Variants in POLD1 observed in about 807,000 individuals in gnomAD.
The protein encoded by POLD1 is DNA polymerase delta catalytic subunit.
In POLD1, 79 loss-of-function variants were observed where a neutral mutation model predicts 129.7. That is an observed-to-expected ratio of 0.61 (90% CI 0.51 to 0.73). POLD1 has a LOEUF of 0.73. Ranked by LOEUF, POLD1 falls within the 30% of genes least tolerant of loss-of-function variation. The pLI is 0.00. For missense variants in POLD1, 1,338 were observed against 1,595.8 expected (o/e 0.84, Z 2.75); for synonymous variants, 714 against 683.3 (o/e 1.04, Z -0.70).
chr19:50,410,052 T>C (rs1269503139), intron 17 of POLD1, among the ~76,000 whole-genome samples: 1 of 152,018 alleles, frequency 6.6e-6, no homozygotes, highest in Non-Finnish European at 1.5e-5. Context: ...GTGATGGGGC[T>C]GGGCGGGACT....
chr19:50,392,052 G>A (rs1446905171), intron 1 of POLD1, among the ~76,000 whole-genome samples: 1 of 151,738 alleles, frequency 6.6e-6, no homozygotes, highest in Non-Finnish European at 1.5e-5. Flanking sequence ...TTCTAACCTA[G>A]GATAACACAC....
intron 19 of POLD1, 57 bp downstream of exon 19, chr19:50,413,936 T>C: frequency 1.3e-6 from 2 of 1,498,354 alleles, no homozygotes; most frequent in Non-Finnish European, 9.0e-7. Context: ...GTACTCAGGG[T>C]GTCCCGTTCT....
At chr19:50,392,524 C>T (rs1333000790) in intron 1 of POLD1, among the ~76,000 whole-genome samples, 1 of 152,196 alleles carries the variant, frequency 6.6e-6, no homozygotes, top group East Asian at 1.9e-4. Context: ...GTCACCCAGG[C>T]TGGAGTGCAG....
intron 1 of POLD1, among the ~76,000 whole-genome samples, chr19:50,385,275 CAG>C (rs746341122): frequency 5.3e-5 from 8 of 152,094 alleles, no homozygotes; most frequent in Non-Finnish European, 8.8e-5. Context: ...CGGGCGGAGA[CAG>C]GGGGACTGGC....
intron 10 of POLD1, among the ~76,000 whole-genome samples, chr19:50,405,461 G>C (rs1208839495): frequency 6.6e-6 from 1 of 152,150 alleles, no homozygotes; most frequent in Non-Finnish European, 1.5e-5. Context: ...GGGTGTGGTG[G>C]CTCACGCCTC....
rs545288402 is a variant in POLD1, at chr19:50,405,467, G to A, written c.1243-715G>A. 6.6e-4 allele frequency among the ~76,000 whole-genome samples: 101 copies of A among 152,240 alleles called. 1 individual carries two copies. Among genetic ancestry groups the A allele is most frequent in the Admixed American group, 6.1e-3 (94 of 15,298 alleles). On this transcript the variant is annotated intron_variant, in intron 10 of 26. Transcript: ENST00000440232. ...AAACAGGCTGGGTGTGGTGGCTCACGCCTCTAATCCCAGCACTTTGGGAGG... is the reference window on the plus strand; with the variant it reads ...AAACAGGCTGGGTGTGGTGGCTCACACCTCTAATCCCAGCACTTTGGGAGG...
Position 50,415,759 on chromosome 19 carries a change from TG to T in POLD1, c.2756del (p.Gly919AlafsTer7). On this transcript the variant is annotated frameshift_variant, in exon 22 of 27. Transcript: ENST00000440232. LOFTEE classifies it high-confidence loss of function. ...RKRDPGSAPS[L>X]GDRVPYVIIS... ...CGGGACCCCGGGAGTGCGCCCAGCC[TG>T]GGCGACCGCGTCCCCTACGTGATCA... 6.8e-7 allele frequency: 1 copy of T among 1,466,154 alleles called. No homozygotes were observed. The allele number at this position is 1,466,154 out of a possible 1,614,324, so 90.8% of individuals were successfully genotyped here.
rs764924384 is a variant in POLD1 at position 50,406,968 on chromosome 19, C to T, written c.1495-15C>T. 6.3e-6 allele frequency: 10 copies of T among 1,576,690 alleles called. No individual in the cohort carries two copies. The highest frequency in any genetic ancestry group is 3.5e-5 in the South Asian group (3 of 86,278). On this transcript the variant is annotated splice_polypyrimidine_tract_variant and intron_variant, in intron 12 of 26. Coordinates refer to ENST00000440232, the MANE Select transcript of POLD1 (RefSeq NM_002691.4). The surrounding 1 kb of genome is among the most constrained non-coding windows in gnomAD (Gnocchi z 5.5). Reference sequence around the variant, plus strand: ...CCAACCCCTGGTCCCTGACCCCATCCGTGCCCATCCCCAGAATGGGAACGA... The same window carrying T: ...CCAACCCCTGGTCCCTGACCCCATCTGTGCCCATCCCCAGAATGGGAACGA...
rs1220975957 is a variant in POLD1 at position 50,403,093 on chromosome 19, C to T, written c.1011C>T (p.Ile337=). The T allele has an allele frequency of 1.3e-6, 2 of 1,564,946 alleles. No individual in the cohort carries two copies. The highest frequency in any genetic ancestry group is 1.7e-6 in the Non-Finnish European group (2 of 1,154,262). Residue 337 remains isoleucine (I), a synonymous_variant, in exon 9 of 27, where the codon ATC becomes ATT. Coordinates refer to ENST00000440232, the MANE Select transcript of POLD1 (RefSeq NM_002691.4). The part of the protein sequence containing the change: ...PEPERDPVIQ[I]CSLGLRWGEP... ...CTGAGCGGGACCCTGTCATCCAGAT[C>T]TGCTCGCTGGGCCTGCGCTGGGGGG...
intron 20 of POLD1, 67 bp downstream of exon 20, chr19:50,415,057 G>A: frequency 1.5e-6 from 2 of 1,378,786 alleles, no homozygotes; most frequent in Non-Finnish European, 1.9e-6. Context: ...TCAGACCCAG[G>A]AGTCTAGGCC....
At chr19:50,399,173 A>G in intron 2 of POLD1, 120 bp downstream of exon 2, 1 of 1,442,884 alleles carries the variant, frequency 6.9e-7, no homozygotes, top group Non-Finnish European at 9.5e-7. Flanking sequence ...TGAATCCTAC[A>G]AAGGACTGCC....
At chr19:50,416,818 A>G in intron 24 of POLD1, 95 bp downstream of exon 24, 2 of 1,079,950 alleles carry the variant, frequency 1.9e-6, no homozygotes, top group South Asian at 1.5e-5. Flanking sequence ...TGGCACTGCC[A>G]CCCAGTGGGC....
intron 3 of POLD1, 48 bp downstream of exon 3, chr19:50,399,532 G>GCAGAGGCCGGGC: frequency 7.1e-7 from 1 of 1,414,672 alleles, no homozygotes; most frequent in Non-Finnish European, 1.0e-6. Context: ...CGCTCCTGGG[G>GCAGAGGCCGGGC]CAGAGGCCGG....
Position 50,409,998 on chromosome 19 carries a change from G to A in POLD1, c.2154+332G>A, listed in dbSNP as rs1231090180. 1.3e-5 allele frequency among the ~76,000 whole-genome samples: 2 copies of A among 152,320 alleles called. No homozygotes were observed. Among genetic ancestry groups the A allele is most frequent in the African/African-American group, 2.4e-5 (1 of 41,574 alleles). ...GTGTTTAGGACACAAGTGGCGCTAC[G>A]AGCTTTGCAGCCGGATAAAGCAGGA... On this transcript the variant is annotated intron_variant, in intron 17 of 26. Coordinates refer to ENST00000440232, the MANE Select transcript of POLD1 (RefSeq NM_002691.4). This position sits in a 1 kb window ranked among gnomAD's most constrained non-coding sequence, Gnocchi z 5.8.
rs199506387 is a variant in POLD1, at chr19:50,409,514, C to T, written c.2007-5C>T. The T allele has an allele frequency of 2.7e-4, 435 of 1,613,518 alleles. No individual in the cohort carries two copies. Among genetic ancestry groups the T allele is most frequent in the Admixed American group, 4.7e-4 (28 of 60,022 alleles). On this transcript the variant is annotated splice_region_variant and splice_polypyrimidine_tract_variant and intron_variant, in intron 16 of 26. Transcript: ENST00000440232. The surrounding 1 kb of genome is among the most constrained non-coding windows in gnomAD (Gnocchi z 5.8). ...TGAGTGTGCTTTCCCCGTGTTCCCT[C>T]GCAGGGCCAAGGCCGAGCTGGCCAA...
chr19:50,412,778 G>A (rs752670051), intron 17 of POLD1, among the ~76,000 whole-genome samples: 1 of 151,636 alleles, frequency 6.6e-6, no homozygotes, highest in Non-Finnish European at 1.5e-5. Flanking sequence ...GTGTGTGTGT[G>A]TGTGTATTTT....
chr19:50,415,315 C>A, intron 20 of POLD1, 123 bp from the exon 21 acceptor site: 1 of 973,922 alleles, frequency 1.0e-6, no homozygotes, highest in Non-Finnish European at 1.5e-6. Context: ...GTAGGAAGGG[C>A]CCCTCTCTGC....
rs769563176 is a variant in POLD1 at position 50,408,794 on chromosome 19, C to T, written c.1785C>T (p.Asp595=). 180 of 1,613,618 alleles carry T rather than the reference C, an allele frequency of 1.1e-4. No individual in the cohort carries two copies. The highest frequency in any genetic ancestry group is 2.3e-4 in the South Asian group (21 of 91,092). The part of the protein sequence containing the change: ...TVIEPLKGYY[D]VPIATLDFSS... ...GCTGCTCCCCTCCCAGGTACTACGACGTCCCCATCGCCACCCTGGACTTCT... is the reference window on the plus strand; with the variant it reads ...GCTGCTCCCCTCCCAGGTACTACGATGTCCCCATCGCCACCCTGGACTTCT... Residue 595 remains aspartate, a synonymous_variant, in exon 15 of 27, where the codon GAC becomes GAT. Transcript: ENST00000440232.
rs2038932849 is a variant in POLD1 at position 50,407,329 on chromosome 19, C to A, written c.1689C>A (p.Ala563=). Residue 563 remains alanine (A), a splice_region_variant and synonymous_variant, in exon 14 of 27, where the codon GCC becomes GCA. Transcript: ENST00000440232. ...VKVVSQLLRQ[A]MHEGLLMPVV... ...TTTCCCACCTTCTCCCCTCCCAGGCCATGCACGAGGGGCTGCTGATGCCCG... is the reference window on the plus strand; with the variant it reads ...TTTCCCACCTTCTCCCCTCCCAGGCAATGCACGAGGGGCTGCTGATGCCCG... 2 of 1,612,004 alleles carry A rather than the reference C, an allele frequency of 1.2e-6. No homozygotes were observed. The highest frequency in any genetic ancestry group is 3.3e-5 in the Admixed American group (2 of 59,878).
Sources: gnomAD v4.1 joint callset for allele counts (sites outside exome capture counted in the v4.1 genomes callset) on GRCh38, gnomAD v4.1.1 for gene constraint, Gnocchi (gnomAD v3.1) non-coding constraint, MANE v1.5 for transcripts, NCBI Gene and HGNC (gene_info 2026-07-23, HGNC 2026-07-21) for gene names.